Variants in NEK7 observed in about 807,000 individuals in gnomAD.
The protein encoded by NEK7 is serine/threonine-protein kinase Nek7.
A neutral mutation model predicts 44.6 loss-of-function variants in NEK7; 18 were observed. The observed-to-expected ratio is 0.40, with a 90% CI of 0.28 to 0.60. The LOEUF is 0.60. Among genes scored for constraint, NEK7 ranks in the 20% least tolerant of loss-of-function variants. The pLI is 0.38. For synonymous variants in NEK7, 130 were observed against 121.1 expected (o/e 1.07, Z -0.48); for missense variants, 256 against 366.5 (o/e 0.70, Z 2.46).
chr1:198,164,418 A>C (rs1446528531), intron 1 of NEK7, among the ~76,000 whole-genome samples: 1 of 152,194 alleles, frequency 6.6e-6, no homozygotes, highest in Non-Finnish European at 1.5e-5. Flanking sequence ...GGTCCAGGAA[A>C]CAATGCTGTG....
At chr1:198,230,724 A>G (rs1403030393) in intron 1 of NEK7, among the ~76,000 whole-genome samples, 1 of 152,102 alleles carries the variant, frequency 6.6e-6, no homozygotes, top group Admixed American at 6.5e-5. Context: ...AAGGAAGTTT[A>G]GGAATTTTGC....
intron 1 of NEK7, among the ~76,000 whole-genome samples, chr1:198,217,160 C>T (rs1217585860): frequency 6.6e-6 from 1 of 152,002 alleles, no homozygotes; most frequent in Non-Finnish European, 1.5e-5. Flanking sequence ...AAAAAGTAAA[C>T]TGCGGACAAG....
chr1:198,285,004 T>C (rs757060835), intron 7 of NEK7, among the ~76,000 whole-genome samples: 44 of 152,140 alleles, frequency 2.9e-4, no homozygotes, highest in Non-Finnish European at 4.4e-4. Context: ...ATGAGAAAAC[T>C]GAGATCACTC....
chr1:198,166,543 C>T (rs1303169026), intron 1 of NEK7, among the ~76,000 whole-genome samples: 1 of 152,066 alleles, frequency 6.6e-6, no homozygotes, highest in Non-Finnish European at 1.5e-5. Context: ...ACTTGAAGGC[C>T]ATTGTAGGGT....
chr1:198,163,339 A>T (rs1169610533), intron 1 of NEK7, among the ~76,000 whole-genome samples: 9 of 151,810 alleles, frequency 5.9e-5, no homozygotes, highest in Admixed American at 2.6e-4. Context: ...CAAAAAATTT[A>T]AAAAAAATTA....
At position 198,297,426 on chromosome 1, in the gene NEK7, T is replaced by C. The variant is rs140258543; in HGVS notation, c.798+186T>C. Among the ~76,000 whole-genome samples, 43 of 152,354 alleles carry C rather than the reference T, an allele frequency of 2.8e-4. 1 individual carries two copies. In the East Asian group the frequency reaches 7.9e-3, roughly 28 times the overall value. The stretch of plus-strand genomic sequence containing the variant: ...AAAGAGTTGACTCTGCAATTGATAA[T>C]GTGTAGTGCAACACAACACAGCATG... On this transcript the variant is annotated intron_variant, in intron 9 of 9. Transcript: ENST00000367385.
At chr1:198,299,895 A>G (rs1571614793) in intron 9 of NEK7, among the ~76,000 whole-genome samples, 2 of 152,214 alleles carry the variant, frequency 1.3e-5, no homozygotes, top group Admixed American at 6.5e-5. Context: ...TAAAACATAC[A>G]TAACAATTAA....
intron 9 of NEK7, among the ~76,000 whole-genome samples, chr1:198,316,450 C>T (rs1571626861): frequency 6.6e-6 from 1 of 152,228 alleles, no homozygotes; most frequent in Non-Finnish European, 1.5e-5. Flanking sequence ...GTGTGGGTAT[C>T]GATACCTCCG....
chr1:198,304,317 T>C (rs986719826), intron 9 of NEK7, among the ~76,000 whole-genome samples: 2 of 152,176 alleles, frequency 1.3e-5, no homozygotes, highest in Non-Finnish European at 2.9e-5. Flanking sequence ...CCCTTTCCCT[T>C]TACCCCCAAT....
At chr1:198,260,593 CT>C (rs1167372492) in intron 3 of NEK7, among the ~76,000 whole-genome samples, 2 of 152,066 alleles carry the variant, frequency 1.3e-5, no homozygotes, top group African/African-American at 4.8e-5. Flanking sequence ...ATACATATTT[CT>C]TCTTCTGTTA....
At chr1:198,232,898 T>C (rs1666441379) in intron 2 of NEK7, among the ~76,000 whole-genome samples, 1 of 151,916 alleles carries the variant, frequency 6.6e-6, no homozygotes, top group Admixed American at 6.6e-5. Flanking sequence ...TTTATTTTAA[T>C]TGATACAGTA....
intron 4 of NEK7, among the ~76,000 whole-genome samples, chr1:198,263,195 C>G (rs745840081): frequency 2.0e-5 from 3 of 151,786 alleles, no homozygotes; most frequent in Non-Finnish European, 4.4e-5. Flanking sequence ...ATACTGCGGC[C>G]TATGTTGTAT....
rs571207291 is a variant in NEK7, at chr1:198,242,831, T to A, written c.57+10194T>A. Among the ~76,000 whole-genome samples the A allele has an allele frequency of 6.7e-4, 101 of 151,312 alleles. No individual in the cohort carries two copies. The East Asian group carries it at 0.013, about 20-fold the overall frequency. Reference sequence around the variant, plus strand: ...TTAATTTTTTTTTTTGTATTTAATTTTTTTTTTTTTAAGTAGAGATGGGTT... The same window carrying A: ...TTAATTTTTTTTTTTGTATTTAATTATTTTTTTTTTAAGTAGAGATGGGTT... On this transcript the variant is annotated intron_variant, in intron 2 of 9. Coordinates refer to ENST00000367385, the MANE Select transcript of NEK7 (RefSeq NM_133494.3).
chr1:198,321,455 G>A lies in NEK7; in HGVS notation c.*1933G>A, dbSNP rs956394160. 1.3e-5 allele frequency: 2 copies of A among 152,034 alleles called. No homozygotes were observed. Among genetic ancestry groups the A allele is most frequent in the Admixed American group, 1.3e-4 (2 of 15,268 alleles). 9.4% of individuals were successfully genotyped at this position (152,034 alleles called of 1,614,324 possible). The stretch of plus-strand genomic sequence containing the variant: ...TAATGTAATATAATTGAGATGAAAT[G>A]TTCTCTGGTTGGAACAGATACTCTC... On this transcript the variant is annotated 3_prime_UTR_variant, in exon 10 of 10. Coordinates refer to ENST00000367385, the MANE Select transcript of NEK7 (RefSeq NM_133494.3).
At chr1:198,282,925 A>C (rs1654251774) in intron 7 of NEK7, among the ~76,000 whole-genome samples, 1 of 152,170 alleles carries the variant, frequency 6.6e-6, no homozygotes. Context: ...ACAAAAAACT[A>C]GGATGAATTA....
chr1:198,286,994 T>C (rs1428294611), intron 7 of NEK7, among the ~76,000 whole-genome samples: 6 of 152,348 alleles, frequency 3.9e-5, no homozygotes, highest in African/African-American at 1.4e-4. Context: ...TCAACCTTTA[T>C]GGCTGCAAAG....
At chr1:198,262,951 A>G (rs1221486145) in intron 4 of NEK7, among the ~76,000 whole-genome samples, 1 of 151,896 alleles carries the variant, frequency 6.6e-6, no homozygotes, top group African/African-American at 2.4e-5. Flanking sequence ...CTAAAGGTTA[A>G]GTAATATAAA....
chr1:198,277,582 G>A (rs1351321116), intron 5 of NEK7: 1 of 155,276 alleles, frequency 6.4e-6, no homozygotes, highest in Non-Finnish European at 1.4e-5. Context: ...TCTGCCAGGA[G>A]AAGAATTGTC....
chr1:198,228,776 A>T (rs1558066853), intron 1 of NEK7, among the ~76,000 whole-genome samples: 1 of 152,128 alleles, frequency 6.6e-6, no homozygotes, highest in Non-Finnish European at 1.5e-5. Flanking sequence ...GGGCTGAGAC[A>T]ATGGGGTTTC....
Sources: gnomAD v4.1 joint callset for allele counts (sites outside exome capture counted in the v4.1 genomes callset) on GRCh38, gnomAD v4.1.1 for gene constraint, MANE v1.5 for transcripts, NCBI Gene and HGNC (gene_info 2026-07-23, HGNC 2026-07-21) for gene names.